PCDHGB1: variants seen among roughly 807,000 people sequenced by gnomAD.
PCDHGB1 encodes protocadherin gamma subfamily B, 1.
In PCDHGB1, 34 loss-of-function variants were observed where a neutral mutation model predicts 56.6. That is an observed-to-expected ratio of 0.60 (90% CI 0.46 to 0.80). The LOEUF is 0.80. PCDHGB1 is among the 30% of genes least tolerant of loss of function. PCDHGB1 has a pLI of 0.00. For synonymous variants in PCDHGB1, 561 were observed against 505.9 expected (o/e 1.11, Z -1.46); for missense variants, 1,278 against 1,204.6 (o/e 1.06, Z -0.90).
chr5:141,362,335 A>C (rs371396469), intron 1 of PCDHGB1: 1 of 1,613,940 alleles, frequency 6.2e-7, no homozygotes, highest in Non-Finnish European at 8.5e-7. Context: ...TCTCAGCTCC[A>C]AGCCTGGACC....
At chr5:141,385,211 C>T (rs1781001155) in intron 1 of PCDHGB1, 1 of 1,614,082 alleles carries the variant, frequency 6.2e-7, no homozygotes, top group Admixed American at 1.7e-5. Flanking sequence ...CTGATCTTCC[C>T]CCAGCCCAAC....
At chr5:141,407,958 A>C (rs1018466165) in intron 1 of PCDHGB1, 1 of 660,632 alleles carries the variant, frequency 1.5e-6, no homozygotes, top group African/African-American at 1.8e-5. Context: ...GCCAGTGCAG[A>C]GCAAGCGCTG....
chr5:141,404,347 C>A (rs1451476815), intron 1 of PCDHGB1: 2 of 1,613,916 alleles, frequency 1.2e-6, no homozygotes, highest in Non-Finnish European at 1.7e-6. Context: ...CGGAAAACAA[C>A]GCCAGAGGTA....
intron 1 of PCDHGB1, chr5:141,428,388 C>G (rs1299321513): frequency 4.0e-6 from 2 of 506,160 alleles, no homozygotes; most frequent in Non-Finnish European, 7.3e-6. Context: ...GCTCTTCCAG[C>G]CCCTCTGCCT....
intron 1 of PCDHGB1, among the ~76,000 whole-genome samples, chr5:141,465,368 A>C (rs940928815): frequency 1.3e-5 from 2 of 152,114 alleles, no homozygotes; most frequent in Admixed American, 6.6e-5. Flanking sequence ...TGCCCTTTAA[A>C]GTTGTAAGAT....
intron 1 of PCDHGB1, chr5:141,393,383 A>G: frequency 6.2e-7 from 1 of 1,614,000 alleles, no homozygotes; most frequent in Non-Finnish European, 8.5e-7. Flanking sequence ...ATGGAGCCAT[A>G]AACCCAGAGC....
chr5:141,428,757 G>T (rs1216855355), intron 1 of PCDHGB1: 1 of 154,176 alleles, frequency 6.5e-6, no homozygotes, highest in Non-Finnish European at 1.4e-5. Context: ...CTTCAGGTTT[G>T]TTTGCCCACT....
chr5:141,417,112 G>T (rs1399534957), intron 1 of PCDHGB1: 3 of 152,030 alleles, frequency 2.0e-5, no homozygotes, highest in African/African-American at 7.3e-5. Flanking sequence ...AGCAATACAG[G>T]ACACCCTGGA....
At chr5:141,449,737 A>T (rs1174103155) in intron 1 of PCDHGB1, among the ~76,000 whole-genome samples, 3 of 151,666 alleles carry the variant, frequency 2.0e-5, no homozygotes, top group Non-Finnish European at 4.4e-5. Flanking sequence ...TTTTTATGAC[A>T]TGATTATTTT....
chr5:141,378,683 C>G (rs559332008), intron 1 of PCDHGB1: 9 of 152,254 alleles, frequency 5.9e-5, no homozygotes, highest in Admixed American at 5.9e-4. Context: ...AATATTTTAG[C>G]ATTTTAACCC....
intron 1 of PCDHGB1, chr5:141,410,555 C>G: frequency 1.2e-6 from 2 of 1,613,202 alleles, no homozygotes; most frequent in Non-Finnish European, 1.7e-6. Flanking sequence ...CAGTGTTTCT[C>G]CTGGAGCCTT....
At chr5:141,394,122 C>G in intron 1 of PCDHGB1, 1 of 1,613,944 alleles carries the variant, frequency 6.2e-7, no homozygotes, top group Middle Eastern at 1.6e-4. Context: ...CACTGAAACT[C>G]AAATCGCTCT....
At chr5:141,403,010 C>G in intron 1 of PCDHGB1, 1 of 1,614,058 alleles carries the variant, frequency 6.2e-7, no homozygotes, top group Non-Finnish European at 8.5e-7. Flanking sequence ...ATGCTCGCTC[C>G]TGGGGATGCT....
chr5:141,486,452 G>T lies in PCDHGB1; in HGVS notation c.2410-8355G>T. 6.2e-7 allele frequency: 1 copy of T among 1,614,152 alleles called. No homozygotes were observed. Among genetic ancestry groups the T allele is most frequent in the Non-Finnish European group, 8.5e-7 (1 of 1,179,996 alleles). Reference sequence around the variant, plus strand: ...ATCTAGCTATGACATCATGGTCACTGCTTCTGATGCTGGGAACCCTCCTCT... The same window carrying T: ...ATCTAGCTATGACATCATGGTCACTTCTTCTGATGCTGGGAACCCTCCTCT... On this transcript the variant is annotated intron_variant, in intron 1 of 3. Coordinates refer to ENST00000523390, the MANE Select transcript of PCDHGB1 (RefSeq NM_018922.3). This position sits in a 1 kb window ranked among gnomAD's most constrained non-coding sequence, Gnocchi z 5.0.
At chr5:141,402,221 G>T (rs567791316) in intron 1 of PCDHGB1, among the ~76,000 whole-genome samples, 1 of 151,824 alleles carries the variant, frequency 6.6e-6, no homozygotes, top group East Asian at 1.9e-4. Flanking sequence ...TAAAATAAAC[G>T]TTTTTCCAGG....
chr5:141,351,315 T>C lies in PCDHGB1; in HGVS notation c.1055T>C (p.Ile352Thr). ...ACATTCATGTCCTTCTCTAACCAGA[T>C]TCCAGAGGATTCAGACCTTGGAACT... ...EVTFMSFSNQIPEDSDLGTVI... is the reference protein window; with the variant it reads ...EVTFMSFSNQTPEDSDLGTVI... Residue 352 changes from isoleucine (I) to threonine (T), a missense_variant, in exon 1 of 4, where the codon ATT (isoleucine) becomes ACT (threonine). Ile to Thr is a moderately conservative substitution (Grantham distance 89, BLOSUM62 -1). Coordinates refer to ENST00000523390, the MANE Select transcript of PCDHGB1 (RefSeq NM_018922.3). 6.2e-7 allele frequency: 1 copy of C among 1,613,888 alleles called. No individual in the cohort carries two copies. The highest frequency in any genetic ancestry group is 8.5e-7 in the Non-Finnish European group (1 of 1,179,830).
At position 141,485,541 on chromosome 5, in the gene PCDHGB1, T is replaced by A; in HGVS notation, c.2410-9266T>A. 2 of 1,613,902 alleles carry A rather than the reference T, an allele frequency of 1.2e-6. No homozygotes were observed. Among genetic ancestry groups the A allele is most frequent in the Non-Finnish European group, 1.7e-6 (2 of 1,179,958 alleles). ...GAAATGTACCGAGCAGAGGTAGAGATCGTAGATGTGAATGATCACGCCCCC... is the reference window on the plus strand; with the variant it reads ...GAAATGTACCGAGCAGAGGTAGAGAACGTAGATGTGAATGATCACGCCCCC... On this transcript the variant is annotated intron_variant, in intron 1 of 3. Coordinates refer to ENST00000523390, the MANE Select transcript of PCDHGB1 (RefSeq NM_018922.3). The surrounding 1 kb of genome is among the most constrained non-coding windows in gnomAD (Gnocchi z 5.7).
intron 1 of PCDHGB1, among the ~76,000 whole-genome samples, chr5:141,358,001 G>A (rs1489024342): frequency 6.6e-6 from 1 of 152,098 alleles, no homozygotes; most frequent in East Asian, 1.9e-4. Flanking sequence ...ACCAGTCTGG[G>A]CAACATGGTG....
rs758216933 is a variant in PCDHGB1 at position 141,487,377 on chromosome 5, C to A, written c.2410-7430C>A. The A allele has an allele frequency of 2.5e-6, 4 of 1,614,190 alleles. No individual in the cohort carries two copies. In the South Asian group the frequency reaches 3.3e-5, roughly 13 times the overall value. On this transcript the variant is annotated intron_variant, in intron 1 of 3. Transcript: ENST00000523390. This position sits in a 1 kb window ranked among gnomAD's most constrained non-coding sequence, Gnocchi z 5.0. ...CCTGCTGGCACCTGTGCCTGTCTCA[C>A]CAGATCTCGAAGGAGGGAGGGGCTT...
Sources: allele counts gnomAD v4.1 joint callset (sites outside exome capture counted in the v4.1 genomes callset), GRCh38; gene constraint gnomAD v4.1.1; non-coding constraint Gnocchi (gnomAD v3.1); transcripts MANE v1.5; gene names NCBI Gene and HGNC (gene_info 2026-07-23, HGNC 2026-07-21).